RRP9: variants seen among roughly 807,000 people sequenced by gnomAD.
RRP9 encodes U3 small nucleolar RNA-interacting protein 2.
In RRP9, 35 loss-of-function variants were observed where a neutral mutation model predicts 65.5. The observed-to-expected ratio is 0.53, with a 90% CI of 0.41 to 0.71. RRP9 has a LOEUF of 0.71. Ranked by LOEUF, RRP9 falls within the 30% of genes least tolerant of loss-of-function variation. The probability of loss-of-function intolerance (pLI) is 0.00; values close to 1 mark genes in which losing one functional copy is unlikely to be tolerated. For synonymous variants in RRP9, 254 were observed against 245.0 expected, an observed-to-expected ratio of 1.04 and a Z score of -0.34; for missense variants, 533 against 633.6, an observed-to-expected ratio of 0.84 and a Z score of 1.70.
rs976607712 is a variant in RRP9, at chr3:51,941,252, G to T, written c.170+157C>A. Among the ~76,000 whole-genome samples the T allele has an allele frequency of 3.3e-5, 5 of 152,160 alleles. 1 individual carries two copies. Among genetic ancestry groups the T allele is most frequent in the Admixed American group, 3.3e-4 (5 of 15,272 alleles). ...CCACCCAGAGACCTCGCAGAAACAAGACTTTGCAGGACCAGAAACTAAAGG... is the reference window on the plus strand; with the variant it reads ...CCACCCAGAGACCTCGCAGAAACAATACTTTGCAGGACCAGAAACTAAAGG... On this transcript the variant is annotated intron_variant, in intron 2 of 14. Transcript: ENST00000232888.
chr3:51,940,415 C>G (rs971241412), intron 2 of RRP9, among the ~76,000 whole-genome samples: 1 of 152,136 alleles, frequency 6.6e-6, no homozygotes, highest in Non-Finnish European at 1.5e-5. Flanking sequence ...CCATGCCTGA[C>G]CCTTTGAAAA....
rs1164339515 is a variant in RRP9, at chr3:51,938,176, C to T, written c.199G>A (p.Glu67Lys). 1.9e-6 allele frequency: 3 copies of T among 1,584,284 alleles called. No individual in the cohort carries two copies. Among genetic ancestry groups the T allele is most frequent in the African/African-American group, 2.7e-5 (2 of 74,426 alleles). ...SLAPRKPEEE[E>K]EEELEETAQE... Reference sequence around the variant, plus strand: ...GCAGTTTCCTCCAGCTCCTCCTCCTCCTCCTCCTCAGGCTTCCTTGGAGCT... The same window carrying T: ...GCAGTTTCCTCCAGCTCCTCCTCCTTCTCCTCCTCAGGCTTCCTTGGAGCT... Residue 67 changes from glutamate to lysine, a missense_variant, in exon 3 of 15, where the codon GAG becomes AAG. Glu to Lys is a moderately conservative substitution (Grantham distance 56). This residue lies in a region of RRP9 where 449 missense variants were observed against 550.6 expected (regional missense o/e 0.82). Coordinates refer to ENST00000232888, the MANE Select transcript of RRP9 (RefSeq NM_004704.5).
rs1271393430 is a variant in RRP9 at position 51,941,713 on chromosome 3, C to G, written c.87+68G>C. 64 of 1,392,376 alleles carry G rather than the reference C, an allele frequency of 4.6e-5. No homozygotes were observed. The South Asian group carries it at 7.7e-4, about 17-fold the overall frequency. The allele number at this position is 1,392,376 out of a possible 1,614,324, so 86.3% of individuals were successfully genotyped here. A position where few individuals can be genotyped will look rare whatever the true frequency, so the allele number is the denominator to read the frequency against. ...GCTGGGGAAGGGCCGGGACCCAGGTCCCCTGGATGGGATGACGGTTGTCCC... is the reference window on the plus strand; with the variant it reads ...GCTGGGGAAGGGCCGGGACCCAGGTGCCCTGGATGGGATGACGGTTGTCCC... On this transcript the variant is annotated intron_variant, in intron 1 of 14. Coordinates refer to ENST00000232888, the MANE Select transcript of RRP9 (RefSeq NM_004704.5).
intron 3 of RRP9, 79 bp downstream of exon 3, chr3:51,938,014 AAG>A: frequency 8.3e-7 from 1 of 1,207,556 alleles, no homozygotes; most frequent in Non-Finnish European, 1.2e-6. Flanking sequence ...GTCACCCATC[AAG>A]TGGCTGGGGC....
At position 51,937,810 on chromosome 3, in the gene RRP9, C is replaced by A; in HGVS notation, c.281-74G>T. 1.3e-6 allele frequency: 2 copies of A among 1,557,432 alleles called. No homozygotes were observed. Among genetic ancestry groups the A allele is most frequent in the Non-Finnish European group, 1.8e-6 (2 of 1,133,858 alleles). On this transcript the variant is annotated intron_variant, in intron 3 of 14. Coordinates refer to ENST00000232888, the MANE Select transcript of RRP9 (RefSeq NM_004704.5). This position sits in a 1 kb window ranked among gnomAD's most constrained non-coding sequence, Gnocchi z 5.0. Reference sequence around the variant, plus strand: ...TCCCTTCCATCCTGTCCCCATCCCACTGCCCCAGGGCTGGATAATGCAGGA... The same window carrying A: ...TCCCTTCCATCCTGTCCCCATCCCAATGCCCCAGGGCTGGATAATGCAGGA...
In RRP9 at chr3:51,934,397, G is replaced by T; in HGVS notation, c.1260+75C>A. ...AAGGTTCCCTTCTGGCAGGAAGAAA[G>T]ACCTTAAAGAGCTAACTCCAGGGGC... is the stretch of plus-strand genomic sequence containing the variant. On this transcript the variant is annotated intron_variant, in intron 13 of 14. Transcript: ENST00000232888. This position sits in a 1 kb window ranked among gnomAD's most constrained non-coding sequence, Gnocchi z 4.1. 2 of 1,452,566 alleles carry T rather than the reference G, an allele frequency of 1.4e-6. No homozygotes were observed. Among genetic ancestry groups the T allele is most frequent in the South Asian group, 1.3e-5 (1 of 75,788 alleles). The allele number at this position is 1,452,566 out of a possible 1,614,324, so 90.0% of individuals were successfully genotyped here.
At position 51,941,466 on chromosome 3, in the gene RRP9, T is replaced by G; in HGVS notation, c.113A>C (p.Lys38Thr). The change falls in exon 2 of 15, where the codon AAA becomes ACA. Residue 38 changes from lysine to threonine, a missense_variant. Physicochemically the swap from Lys to Thr is moderately conservative, Grantham distance 78. This residue lies in a region of RRP9 where 77 missense variants were observed against 60.5 expected (regional missense o/e 1.27). Transcript: ENST00000232888. ...RKADSAGDRG[K>T]SKGGGKMNEE... ...ATTCATCTTGCCGCCACCCTTGGAT[T>G]TGCCCCTGTCCCCCGCAGAGTCGGC... 6.2e-7 allele frequency: 1 copy of G among 1,614,154 alleles called. No individual in the cohort carries two copies. Among genetic ancestry groups the G allele is most frequent in the Non-Finnish European group, 8.5e-7 (1 of 1,180,026 alleles).
chr3:51,935,151 C>G (rs377547115), intron 11 of RRP9, 46 bp downstream of exon 11: 1 of 1,609,926 alleles, frequency 6.2e-7, no homozygotes, highest in African/African-American at 1.3e-5. Context: ...ACAGCCAGCA[C>G]TCAGGAGCAG....
At position 51,937,104 on chromosome 3, in the gene RRP9, C is replaced by T. The variant is rs1699467348; in HGVS notation, c.517+88G>A. On this transcript the variant is annotated intron_variant, in intron 6 of 14. Coordinates refer to ENST00000232888, the MANE Select transcript of RRP9 (RefSeq NM_004704.5). The surrounding 1 kb of genome is among the most constrained non-coding windows in gnomAD (Gnocchi z 5.0). ...CTCCAGAGACTTCCCCACTTCAGGG[C>T]TCAGCCTGCCATGACCACTCCCACT... 6.5e-7 allele frequency: 1 copy of T among 1,530,294 alleles called. No homozygotes were observed. The highest frequency in any genetic ancestry group is 1.4e-5 in the African/African-American group (1 of 73,270). The allele number at this position is 1,530,294 out of a possible 1,614,324, so 94.8% of individuals were successfully genotyped here.
rs746820342 is a variant in RRP9 at position 51,934,450 on chromosome 3, GCATT to G, written c.1260+18_1260+21del. 4 of 1,605,030 alleles carry G rather than the reference GCATT, an allele frequency of 2.5e-6. No individual in the cohort carries two copies. Among genetic ancestry groups the G allele is most frequent in the Non-Finnish European group, 3.4e-6 (4 of 1,174,642 alleles). On this transcript the variant is annotated intron_variant, in intron 13 of 14. Coordinates refer to ENST00000232888, the MANE Select transcript of RRP9 (RefSeq NM_004704.5). The surrounding 1 kb of genome is among the most constrained non-coding windows in gnomAD (Gnocchi z 4.1). ...AGGCAGTGTGGCAGAGACAGGCTGAGCATTCAAGCACACTCACTCACCAGGGGGA... is the reference window on the plus strand; with the variant it reads ...AGGCAGTGTGGCAGAGACAGGCTGAGCAAGCACACTCACTCACCAGGGGGA...
chr3:51,937,880 C>A lies in RRP9; in HGVS notation c.281-144G>T. On this transcript the variant is annotated intron_variant, in intron 3 of 14. Transcript: ENST00000232888. The surrounding 1 kb of genome is among the most constrained non-coding windows in gnomAD (Gnocchi z 5.0). ...GAGGGGAGGGCAAGCTGGAGGGTTT[C>A]CTCCTGCCTTTACTTATCAGATCAG... 9.1e-7 allele frequency: 1 copy of A among 1,097,522 alleles called. No individual in the cohort carries two copies. Among genetic ancestry groups the A allele is most frequent in the Non-Finnish European group, 1.3e-6 (1 of 760,614 alleles). 68.0% of individuals were successfully genotyped at this position (1,097,522 alleles called of 1,614,324 possible).
chr3:51,941,315 G>T, intron 2 of RRP9, 94 bp downstream of exon 2: 1 of 1,068,410 alleles, frequency 9.4e-7, no homozygotes, highest in Non-Finnish European at 1.5e-6. Context: ...ACAGAGTCTT[G>T]GATTCTAGGC....
intron 8 of RRP9, 108 bp downstream of exon 8, chr3:51,936,149 C>G: frequency 9.7e-7 from 1 of 1,034,544 alleles, no homozygotes; most frequent in Non-Finnish European, 1.5e-6. Context: ...CCACTCGCTA[C>G]CCCAGGATGC....
intron 2 of RRP9, 98 bp from the exon 3 acceptor site, chr3:51,938,302 CT>C (rs1330776226): frequency 9.6e-6 from 8 of 830,324 alleles, no homozygotes; most frequent in Non-Finnish European, 1.5e-5. Context: ...CCAACCTCCC[CT>C]ATTCCCTGCT....
intron 2 of RRP9, among the ~76,000 whole-genome samples, chr3:51,940,265 A>C (rs1047053352): frequency 6.6e-6 from 1 of 152,182 alleles, no homozygotes; most frequent in Non-Finnish European, 1.5e-5. Context: ...CAAAAACAAA[A>C]AAAAAAAGTA....
Position 51,941,789 on chromosome 3 carries a change from G to T in RRP9, c.79C>A (p.Arg27=). Residue 27 remains arginine, a synonymous_variant, in exon 1 of 15, where the codon CGG becomes AGG. Coordinates refer to ENST00000232888, the MANE Select transcript of RRP9 (RefSeq NM_004704.5). ...AGAAGCGCCATGCTCACCTTTCGCC[G>T]CCGCTTGCCGGCCCCCGCGCCAGCC... ...AGAGAGAGKR[R]RKADSAGDRG... The T allele has an allele frequency of 6.4e-7, 1 of 1,562,472 alleles. No individual in the cohort carries two copies. Among genetic ancestry groups the T allele is most frequent in the Non-Finnish European group, 8.6e-7 (1 of 1,162,098 alleles).
In RRP9 at chr3:51,937,408, C is replaced by T. The variant is rs1699471443; in HGVS notation, c.391-90G>A. Reference sequence around the variant, plus strand: ...CTGCGTAGTGTTGGCCTTTCCCACCCAGGCCAGAAGGAAAACAAGACCCAA... The same window carrying T: ...CTGCGTAGTGTTGGCCTTTCCCACCTAGGCCAGAAGGAAAACAAGACCCAA... On this transcript the variant is annotated intron_variant, in intron 5 of 14. Coordinates refer to ENST00000232888, the MANE Select transcript of RRP9 (RefSeq NM_004704.5). The surrounding 1 kb of genome is among the most constrained non-coding windows in gnomAD (Gnocchi z 5.0). 9 of 1,604,790 alleles carry T rather than the reference C, an allele frequency of 5.6e-6. No homozygotes were observed. Among genetic ancestry groups the T allele is most frequent in the Non-Finnish European group, 7.7e-6 (9 of 1,173,144 alleles).
chr3:51,937,145 C>A lies in RRP9; in HGVS notation c.517+47G>T. ...CACTCCCACTCCCCTGACCAGCCCT[C>A]CCGGATCCGCCATGGGGGCTCCAGC... is the stretch of plus-strand genomic sequence containing the variant. On this transcript the variant is annotated intron_variant, in intron 6 of 14. Coordinates refer to ENST00000232888, the MANE Select transcript of RRP9 (RefSeq NM_004704.5). The surrounding 1 kb of genome is among the most constrained non-coding windows in gnomAD (Gnocchi z 5.0). 6.2e-7 allele frequency: 1 copy of A among 1,606,678 alleles called. No individual in the cohort carries two copies. The highest frequency in any genetic ancestry group is 8.5e-7 in the Non-Finnish European group (1 of 1,176,300).
Position 51,933,746 on chromosome 3 carries a change from A to C in RRP9, c.1296T>G (p.Ser432=). 1 of 1,614,132 alleles carries C rather than the reference A, an allele frequency of 6.2e-7. No homozygotes were observed. The highest frequency in any genetic ancestry group is 8.5e-7 in the Non-Finnish European group (1 of 1,180,008). ...GFINSLKFSS[S]GDFLVAGVGQ... Reference sequence around the variant, plus strand: ...CTACCCCAGCCACCAGGAAGTCCCCAGAGCTGGAGAACTTGAGGCTGTTGA... The same window carrying C: ...CTACCCCAGCCACCAGGAAGTCCCCCGAGCTGGAGAACTTGAGGCTGTTGA... The change falls in exon 14 of 15, where the codon TCT becomes TCG. Residue 432 remains serine, a synonymous_variant. Transcript: ENST00000232888.
Sources: allele counts gnomAD v4.1 joint callset (sites outside exome capture counted in the v4.1 genomes callset), GRCh38; gene constraint gnomAD v4.1.1; regional missense constraint gnomAD v4.1.1; non-coding constraint Gnocchi (gnomAD v3.1); transcripts MANE v1.5; gene names NCBI Gene and HGNC (gene_info 2026-07-23, HGNC 2026-07-21).